The following SCFD1 variants were observed in gnomAD, a reference collection of about 807,000 sequenced individuals.
The protein encoded by SCFD1 is sec1 family domain-containing protein 1.
SCFD1 carries 37 observed loss-of-function variants against 103.2 expected under a neutral mutation model. The ratio of observed to expected loss-of-function variants is 0.36; its 90% confidence interval spans 0.28 to 0.47. The LOEUF (loss-of-function observed/expected upper bound fraction) is 0.47. Ranked by LOEUF, SCFD1 falls within the 20% of genes least tolerant of loss-of-function variation. The probability of loss-of-function intolerance (pLI) is 1.00; values close to 1 mark genes in which losing one functional copy is unlikely to be tolerated. For missense variants in SCFD1, 639 were observed against 761.2 expected, an observed-to-expected ratio of 0.84 and a Z score of 1.89; for synonymous variants, 264 against 245.0, an observed-to-expected ratio of 1.08 and a Z score of -0.73.
At chr14:30,717,793 AG>A (rs1165841754) in intron 20 of SCFD1, among the ~76,000 whole-genome samples, 1 of 151,408 alleles carries the variant, frequency 6.6e-6, no homozygotes, top group East Asian at 1.9e-4. Flanking sequence ...CTGAGGCAGG[AG>A]AATTGCTTGA....
chr14:30,634,726 C>T, intron 4 of SCFD1: 1 of 443,906 alleles, frequency 2.3e-6, no homozygotes, highest in African/African-American at 2.0e-5. Context: ...GACCCAGGCT[C>T]CTTCTGTCGC....
intron 19 of SCFD1, among the ~76,000 whole-genome samples, chr14:30,713,482 C>G (rs958005850): frequency 1.5e-4 from 23 of 152,228 alleles, no homozygotes; most frequent in African/African-American, 5.5e-4. Context: ...TCTCATGTTA[C>G]TTAATGACCT....
At chr14:30,667,187 C>T (rs926294987) in intron 10 of SCFD1, among the ~76,000 whole-genome samples, 1 of 152,214 alleles carries the variant, frequency 6.6e-6, no homozygotes, top group Non-Finnish European at 1.5e-5. Context: ...TCCAACAGTA[C>T]ATCAAAAAGC....
intron 19 of SCFD1, among the ~76,000 whole-genome samples, 177 bp downstream of exon 19, chr14:30,708,242 C>T (rs141045422): frequency 2.0e-5 from 3 of 152,080 alleles, no homozygotes; most frequent in Non-Finnish European, 4.4e-5. Context: ...TGGTTTGTTA[C>T]ATAGGTAAAT....
rs997997426 is a variant in SCFD1, at chr14:30,670,896, A to G, written c.995+501A>G. On this transcript the variant is annotated intron_variant, in intron 11 of 24. Coordinates refer to ENST00000458591, the MANE Select transcript of SCFD1 (RefSeq NM_016106.4). ...GCCATGTGATTTACTGTGGGCAGATATACATATCCCATGTGATGCTATGCC... is the reference window on the plus strand; with the variant it reads ...GCCATGTGATTTACTGTGGGCAGATGTACATATCCCATGTGATGCTATGCC... 7.9e-5 allele frequency among the ~76,000 whole-genome samples: 12 copies of G among 152,238 alleles called. No homozygotes were observed. The South Asian group carries it at 1.4e-3, about 18-fold the overall frequency.
intron 4 of SCFD1, among the ~76,000 whole-genome samples, chr14:30,637,741 A>C (rs1348196263): frequency 2.0e-5 from 3 of 152,152 alleles, no homozygotes; most frequent in African/African-American, 7.2e-5. Flanking sequence ...GTGTGCAATG[A>C]AGGATTTGTT....
At chr14:30,672,041 A>AAATT (rs1888599030) in intron 11 of SCFD1, among the ~76,000 whole-genome samples, 1 of 151,796 alleles carries the variant, frequency 6.6e-6, no homozygotes, top group African/African-American at 2.4e-5. Context: ...AAGAAAAGAT[A>AAATT]AATTCTTAGC....
At chr14:30,673,158 T>C in intron 11 of SCFD1, 99 bp from the exon 12 acceptor site, 1 of 498,876 alleles carries the variant, frequency 2.0e-6, no homozygotes. Context: ...CAAATAAGTA[T>C]ATTTAAAATA....
intron 14 of SCFD1, among the ~76,000 whole-genome samples, chr14:30,688,924 T>A (rs951476812): frequency 1.1e-5 from 1 of 87,604 alleles, no homozygotes; most frequent in African/African-American, 1.0e-4. Flanking sequence ...GTCTTTACAT[T>A]TTGGCATGAT....
At chr14:30,647,884 C>T (rs1448656511) in intron 7 of SCFD1, among the ~76,000 whole-genome samples, 1 of 152,108 alleles carries the variant, frequency 6.6e-6, no homozygotes, top group Non-Finnish European at 1.5e-5. Context: ...CTCCTGACCT[C>T]AGGTGATCCG....
chr14:30,634,959 T>C (rs553902151), intron 4 of SCFD1: 1 of 456,014 alleles, frequency 2.2e-6, no homozygotes, highest in African/African-American at 2.0e-5. Flanking sequence ...AAAGTCAATA[T>C]TTAGATGAGT....
Position 30,684,939 on chromosome 14 carries a change from T to C in SCFD1, c.1243-9834T>C, listed in dbSNP as rs1297076395. Among the ~76,000 whole-genome samples the C allele has an allele frequency of 1.4e-4, 13 of 92,966 alleles. 1 individual carries two copies. The highest frequency in any genetic ancestry group is 5.3e-4 in the African/African-American group (11 of 20,720). 61.0% of individuals were successfully genotyped at this position (92,966 alleles called of 152,430 possible). A position where few individuals can be genotyped will look rare whatever the true frequency, so the allele number is the denominator to read the frequency against. On this transcript the variant is annotated intron_variant, in intron 14 of 24. Transcript: ENST00000458591. ...CGTGTCATCTAGCATTAGGTATATCTCCCAATGCTATCCCTCCCCCCTCCC... is the reference window on the plus strand; with the variant it reads ...CGTGTCATCTAGCATTAGGTATATCCCCCAATGCTATCCCTCCCCCCTCCC...
chr14:30,663,560 A>G (rs1432953462), intron 10 of SCFD1, among the ~76,000 whole-genome samples: 3 of 152,188 alleles, frequency 2.0e-5, no homozygotes, highest in East Asian at 3.8e-4. Flanking sequence ...TAGGAAAAAC[A>G]GTAATAGAGT....
rs143481289 is a variant in SCFD1, at chr14:30,659,342, G to A, written c.855+5754G>A. ...CAATTAATAATTTAAGATATTAGAT[G>A]TTTTCTTTTCATATTTAAGTCTTAT... On this transcript the variant is annotated intron_variant, in intron 10 of 24. Transcript: ENST00000458591. Among the ~76,000 whole-genome samples, 229 of 151,922 alleles carry A rather than the reference G, an allele frequency of 1.5e-3. 1 individual carries two copies. The highest frequency in any genetic ancestry group is 4.8e-3 in the African/African-American group (199 of 41,436).
At chr14:30,623,540 G>T (rs927943647) in intron 1 of SCFD1, among the ~76,000 whole-genome samples, 4 of 152,120 alleles carry the variant, frequency 2.6e-5, no homozygotes, top group African/African-American at 7.2e-5. Flanking sequence ...GCCATTCGTT[G>T]TATATGTTTA....
At chr14:30,704,423 G>C (rs997386407) in intron 17 of SCFD1, among the ~76,000 whole-genome samples, 3 of 152,058 alleles carry the variant, frequency 2.0e-5, no homozygotes, top group Non-Finnish European at 4.4e-5. Context: ...GCCAGTTCAT[G>C]GAAGTATTTA....
At chr14:30,681,858 AT>A (rs949222573) in intron 14 of SCFD1, among the ~76,000 whole-genome samples, 3 of 152,186 alleles carry the variant, frequency 2.0e-5, no homozygotes, top group Non-Finnish European at 4.4e-5. Context: ...ACTGTTTCGT[AT>A]AGCAACTTTC....
Position 30,653,551 on chromosome 14 carries a change from A to G in SCFD1, c.818A>G (p.His273Arg), listed in dbSNP as rs1324155179. 1.2e-6 allele frequency: 2 copies of G among 1,613,552 alleles called. No homozygotes were observed. The highest frequency in any genetic ancestry group is 1.1e-5 in the South Asian group (1 of 91,062). ...ATAGATTTGGCAACTCCTTTACATC[A>G]TACTTGGACATATCAAGCATTGGTG... is the stretch of plus-strand genomic sequence containing the variant. ...RNIDLATPLHHTWTYQALVHD... is the reference protein window; with the variant it reads ...RNIDLATPLHRTWTYQALVHD... The change falls in exon 10 of 25, where the codon CAT becomes CGT. Residue 273 changes from histidine to arginine, a missense_variant. By Grantham distance (29) the His-to-Arg change is conservative. Coordinates refer to ENST00000458591, the MANE Select transcript of SCFD1 (RefSeq NM_016106.4).
At chr14:30,637,767 C>T (rs1424033406) in intron 4 of SCFD1, among the ~76,000 whole-genome samples, 2 of 152,066 alleles carry the variant, frequency 1.3e-5, no homozygotes, top group Admixed American at 6.5e-5. Context: ...ATCACATGTC[C>T]AGAACAGTTG....
Sources: gnomAD v4.1 joint callset for allele counts (sites outside exome capture counted in the v4.1 genomes callset) on GRCh38, gnomAD v4.1.1 for gene constraint, MANE v1.5 for transcripts, NCBI Gene and HGNC (gene_info 2026-07-23, HGNC 2026-07-21) for gene names.